The following WAC variants were observed in gnomAD, a reference collection of about 807,000 sequenced individuals.
WAC encodes the protein WW domain containing adaptor with coiled-coil.
In WAC, 11 loss-of-function variants were observed where a neutral mutation model predicts 79.6. The observed-to-expected ratio is 0.14, with a 90% CI of 0.09 to 0.23. The LOEUF (loss-of-function observed/expected upper bound fraction) is 0.23, where lower values mean the gene tolerates loss of function less well. Ranked by LOEUF, WAC falls within the 10% of genes least tolerant of loss-of-function variation. WAC has a pLI of 1.00. For synonymous variants in WAC, 304 were observed against 276.9 expected (o/e 1.10, Z -0.97); for missense variants, 728 against 773.5 (o/e 0.94, Z 0.70).
chr10:28,571,525 C>T (rs77560893), intron 3 of WAC, among the ~76,000 whole-genome samples: 4,544 of 152,284 alleles, frequency 0.03, 234 homozygotes, highest in African/African-American at 0.1. Context: ...CATAATGTGT[C>T]CCTTGACTGA....
chr10:28,558,029 G>A (rs1453829745), intron 3 of WAC, among the ~76,000 whole-genome samples: 1 of 152,064 alleles, frequency 6.6e-6, no homozygotes, highest in Non-Finnish European at 1.5e-5. Flanking sequence ...AGCCTAGATT[G>A]TGCCATTGCA....
rs768955756 is a variant in WAC at position 28,595,929 on chromosome 10, G to A, written c.807G>A (p.Thr269=). The A allele has an allele frequency of 2.5e-6, 4 of 1,614,048 alleles. No homozygotes were observed. The highest frequency in any genetic ancestry group is 1.6e-4 in the Middle Eastern group (1 of 6,062). The change falls in exon 7 of 14, where the codon ACG becomes ACA. Residue 269 remains threonine, a synonymous_variant. Coordinates refer to ENST00000354911, the MANE Select transcript of WAC (RefSeq NM_016628.5). ...GCACTGTTCCTTCTAGTCCATTTAC[G>A]CTACAGTCTGATCACCAGCCAAAGA... The part of the protein sequence containing the change: ...TPSTVPSSPF[T]LQSDHQPKKS...
chr10:28,549,966 C>G (rs1248973771), intron 3 of WAC, among the ~76,000 whole-genome samples: 1 of 152,064 alleles, frequency 6.6e-6, no homozygotes, highest in African/African-American at 2.4e-5. Flanking sequence ...AATTCAAGAC[C>G]AGCCAGGCCA....
chr10:28,580,107 T>C (rs966578662), intron 3 of WAC, among the ~76,000 whole-genome samples: 4 of 152,214 alleles, frequency 2.6e-5, no homozygotes, highest in African/African-American at 9.6e-5. Flanking sequence ...AAAGCTCTTG[T>C]CTTTGAAAAT....
Position 28,617,703 on chromosome 10 carries a change from T to C in WAC, c.1793T>C (p.Met598Thr), listed in dbSNP as rs1841532524. ...EEAHNMGTIH[M>T]SEICTELKNL... ...GCGCATAACATGGGAACTATTCACA[T>C]GTCCGAAATTTGTACTGAATTAAAA... Residue 598 changes from methionine (M) to threonine (T), a missense_variant, in exon 13 of 14, where the codon ATG (methionine) becomes ACG (threonine). By Grantham distance (81) the Met-to-Thr change is moderately conservative (BLOSUM62 -1). Around this residue, in one of 3 missense-constraint regions of WAC, gnomAD observed 66 missense variants for 78.9 expected, o/e 0.84. Transcript: ENST00000354911. 1.3e-6 allele frequency: 2 copies of C among 1,598,576 alleles called. No homozygotes were observed. Among genetic ancestry groups the C allele is most frequent in the Non-Finnish European group, 1.7e-6 (2 of 1,175,456 alleles).
At chr10:28,554,526 T>C (rs1837874406) in intron 3 of WAC, among the ~76,000 whole-genome samples, 1 of 152,140 alleles carries the variant, frequency 6.6e-6, no homozygotes, top group Admixed American at 6.6e-5. Flanking sequence ...TTCTCCCTTA[T>C]CCCCAATATC....
At chr10:28,548,293 C>G (rs192482560) in intron 3 of WAC, among the ~76,000 whole-genome samples, 3 of 152,062 alleles carry the variant, frequency 2.0e-5, no homozygotes, top group Non-Finnish European at 4.4e-5. Context: ...TAACCCTATC[C>G]GTTAGAGAGT....
At chr10:28,603,961 GTA>G (rs71391054) in intron 7 of WAC, among the ~76,000 whole-genome samples, 10,169 of 20,850 alleles carry the variant, frequency 0.49, 1,374 homozygotes, top group Middle Eastern at 0.54. Context: ...ATGTATGTAT[GTA>G]TATATATATA....
chr10:28,533,559 A>T lies in WAC; in HGVS notation c.-21A>T, dbSNP rs1564366557. On this transcript the variant is annotated 5_prime_UTR_variant, in exon 1 of 14. Transcript: ENST00000354911. ...GGCCGCTCTCCCCCCTCCCCGACAC[A>T]CACTCACAGGCCGGGCATTGATGGT... 1 of 1,469,412 alleles carries T rather than the reference A, an allele frequency of 6.8e-7. No individual in the cohort carries two copies. The highest frequency in any genetic ancestry group is 2.0e-5 in the Admixed American group (1 of 50,656). 91.0% of individuals were successfully genotyped at this position (1,469,412 alleles called of 1,614,324 possible).
At chr10:28,606,321 C>A (rs142835669) in intron 7 of WAC, among the ~76,000 whole-genome samples, 123 of 152,280 alleles carry the variant, frequency 8.1e-4, no homozygotes, top group Middle Eastern at 3.4e-3. Flanking sequence ...TAGGCGTGAG[C>A]CACCACGTCC....
At chr10:28,581,600 G>T (rs1370332305) in intron 3 of WAC, among the ~76,000 whole-genome samples, 2 of 152,054 alleles carry the variant, frequency 1.3e-5, no homozygotes, top group Non-Finnish European at 2.9e-5. Flanking sequence ...TGTTGCCCAG[G>T]CTGGAGTGCA....
At chr10:28,552,347 T>G (rs1837725214) in intron 3 of WAC, among the ~76,000 whole-genome samples, 1 of 152,174 alleles carries the variant, frequency 6.6e-6, no homozygotes, top group South Asian at 2.1e-4. Flanking sequence ...AAATCAGGCC[T>G]GTTGGTCAGA....
intron 6 of WAC, among the ~76,000 whole-genome samples, chr10:28,594,161 C>T (rs573652633): frequency 7.0e-6 from 1 of 143,048 alleles, no homozygotes; most frequent in South Asian, 2.2e-4. Context: ...TGTAATGCTG[C>T]TGCCCTTTTT....
At chr10:28,585,325 A>G (rs1839761498) in intron 4 of WAC, among the ~76,000 whole-genome samples, 2 of 152,050 alleles carry the variant, frequency 1.3e-5, no homozygotes, top group African/African-American at 4.8e-5. Flanking sequence ...GAGAGCTGGT[A>G]ACAACGGCGG....
chr10:28,616,823 A>T (rs887838036), intron 12 of WAC, among the ~76,000 whole-genome samples: 4 of 152,174 alleles, frequency 2.6e-5, no homozygotes, highest in African/African-American at 9.7e-5. Context: ...CATACCTGTA[A>T]TCCCAACACT....
intron 7 of WAC, among the ~76,000 whole-genome samples, chr10:28,602,551 A>G (rs1840695041): frequency 6.6e-6 from 1 of 152,144 alleles, no homozygotes; most frequent in South Asian, 2.1e-4. Context: ...TTTGAGTTTC[A>G]TGTGTCCCCA....
chr10:28,612,330 A>G (rs1159163347), intron 10 of WAC, among the ~76,000 whole-genome samples: 2 of 152,252 alleles, frequency 1.3e-5, no homozygotes, highest in African/African-American at 4.8e-5. Context: ...TAGCTTTCAC[A>G]TCGTGAGAAT....
At position 28,605,594 on chromosome 10, in the gene WAC, T is replaced by TTA. The variant is rs1339021463; in HGVS notation, c.920-2592_920-2591insTA. Among the ~76,000 whole-genome samples, 4 of 152,232 alleles carry TTA rather than the reference T, an allele frequency of 2.6e-5. No individual in the cohort carries two copies. In the East Asian group the frequency reaches 7.7e-4, roughly 29 times the overall value. ...TCCCCAAAACTGCAAAAGAAGTCTA[T>TTA]CCTTGGGGTAAATAAACAGAAATTA... On this transcript the variant is annotated intron_variant, in intron 7 of 13. Transcript: ENST00000354911.
At chr10:28,593,420 A>T (rs2132693374) in intron 6 of WAC, among the ~76,000 whole-genome samples, 1 of 152,186 alleles carries the variant, frequency 6.6e-6, no homozygotes, top group African/African-American at 2.4e-5. Context: ...GGTTTTAATG[A>T]GGTTTTTGTT....
Sources: gnomAD v4.1 joint callset for allele counts (sites outside exome capture counted in the v4.1 genomes callset) on GRCh38, gnomAD v4.1.1 for gene constraint, gnomAD v4.1.1 regional missense constraint, MANE v1.5 for transcripts, NCBI Gene and HGNC (gene_info 2026-07-23, HGNC 2026-07-21) for gene names.